Variants in C8orf74 observed in about 807,000 individuals in gnomAD.
C8orf74 encodes the protein chromosome 8 open reading frame 74.
Under a neutral mutation model 22.2 loss-of-function variants are expected in C8orf74, and 29 were observed. That is an observed-to-expected ratio of 1.31 (90% CI 0.97 to 1.78). The LOEUF is 1.78. C8orf74 is among the 40% of genes most tolerant of loss of function. C8orf74 has a pLI of 0.00. For synonymous variants in C8orf74, 255 were observed against 163.1 expected (o/e 1.56, Z -4.30); for missense variants, 515 against 369.9 (o/e 1.39, Z -3.22).
intron 2 of C8orf74, among the ~76,000 whole-genome samples, chr8:10,682,587 C>A (rs1799174733): frequency 1.3e-5 from 2 of 152,150 alleles, no homozygotes; most frequent in Non-Finnish European, 2.9e-5. Flanking sequence ...TGACAGCAGT[C>A]CTGTTGGATG....
At chr8:10,691,812 C>A (rs753042881) in intron 2 of C8orf74, 1 of 152,354 alleles carries the variant, frequency 6.6e-6, no homozygotes, top group African/African-American at 2.4e-5. Context: ...ATGAAGTCAA[C>A]TCTTTCACAT....
chr8:10,676,632 GTCCCA>G (rs151039012), intron 2 of C8orf74, among the ~76,000 whole-genome samples: 27 of 152,180 alleles, frequency 1.8e-4, no homozygotes, highest in African/African-American at 6.3e-4. Flanking sequence ...CCACCCAGTG[GTCCCA>G]GCCTAAAGGC....
intron 2 of C8orf74, among the ~76,000 whole-genome samples, chr8:10,696,036 TG>T (rs1382918379): frequency 1.3e-5 from 2 of 152,182 alleles, no homozygotes; most frequent in Non-Finnish European, 2.9e-5. Context: ...TCTCCACGCC[TG>T]GGCCATGCTC....
rs769437570 is a variant in C8orf74, at chr8:10,700,270, C to T, written c.684C>T (p.Thr228=). ...GCCTCATCTGCCAGGCAGTCCACAC[C>T]CAGATGGAGCTCCTGCAGGAGCTGC... ...LESLICQAVH[T]QMELLQELLQ... is the part of the protein sequence containing the mutation. Residue 228 remains threonine (T), a synonymous_variant, in exon 4 of 4, where the codon ACC becomes ACT. Transcript: ENST00000304519. 3 of 1,612,410 alleles carry T rather than the reference C, an allele frequency of 1.9e-6. No individual in the cohort carries two copies. The highest frequency in any genetic ancestry group is 1.1e-5 in the South Asian group (1 of 90,994).
At chr8:10,681,558 C>G (rs1274518036) in intron 2 of C8orf74, among the ~76,000 whole-genome samples, 2 of 152,142 alleles carry the variant, frequency 1.3e-5, no homozygotes, top group Non-Finnish European at 2.9e-5. Flanking sequence ...TGGGGACAGC[C>G]TCCCCTGCTT....
At chr8:10,689,045 T>G (rs1351590119) in intron 2 of C8orf74, 2 of 152,386 alleles carry the variant, frequency 1.3e-5, no homozygotes, top group African/African-American at 4.8e-5. Context: ...TCCGTTCCCT[T>G]CCCTGGGCAG....
At chr8:10,696,983 C>T (rs965687901) in intron 2 of C8orf74, among the ~76,000 whole-genome samples, 24 of 140,266 alleles carry the variant, frequency 1.7e-4, no homozygotes, top group African/African-American at 6.4e-4. Context: ...AGACAAAATA[C>T]TGGTAATGAT....
intron 2 of C8orf74, among the ~76,000 whole-genome samples, chr8:10,684,008 G>C (rs941936176): frequency 2.0e-5 from 3 of 152,170 alleles, no homozygotes; most frequent in African/African-American, 7.2e-5. Context: ...GCCCTCCCAC[G>C]ATGCTAGGCA....
intron 2 of C8orf74, chr8:10,692,900 C>T (rs1166577784): frequency 6.6e-6 from 1 of 152,244 alleles, no homozygotes; most frequent in African/African-American, 2.4e-5. Flanking sequence ...CTCGCTCCCT[C>T]GCAGCTTGAG....
chr8:10,672,813 A>G, intron 1 of C8orf74, 100 bp downstream of exon 1: 1 of 1,051,408 alleles, frequency 9.5e-7, no homozygotes, highest in Non-Finnish European at 1.4e-6. Flanking sequence ...ACCCCGGGGC[A>G]GCCACCCCGG....
intron 2 of C8orf74, chr8:10,691,265 C>T (rs1799374944): frequency 4.1e-6 from 1 of 243,202 alleles, no homozygotes; most frequent in Non-Finnish European, 8.5e-6. Context: ...CACAGTGGGG[C>T]ATCGGCCAGG....
At chr8:10,690,560 C>T (rs1799355831) in intron 2 of C8orf74, among the ~76,000 whole-genome samples, 1 of 152,158 alleles carries the variant, frequency 6.6e-6, no homozygotes, top group African/African-American at 2.4e-5. Flanking sequence ...TGACTTGGTT[C>T]CTGCCCCTGG....
chr8:10,699,533 C>T (rs1035891229), intron 3 of C8orf74, among the ~76,000 whole-genome samples: 4 of 152,204 alleles, frequency 2.6e-5, no homozygotes, highest in African/African-American at 7.2e-5. Context: ...TGTGGTTGCT[C>T]GGGCAAGGAA....
rs147157443 is a variant in C8orf74 at position 10,685,656 on chromosome 8, T to G, written c.241+10818T>G. Among the ~76,000 whole-genome samples, 489 of 151,484 alleles carry G rather than the reference T, an allele frequency of 3.2e-3. 3 individuals are homozygous for G. The highest frequency in any genetic ancestry group is 0.011 in the African/African-American group (456 of 41,230). ...GGCCAGGAGGAGGGGGAGTGGGGAG[T>G]TAATGTTTAATGGATATGGAGTTCT... On this transcript the variant is annotated intron_variant, in intron 2 of 3. Transcript: ENST00000304519.
chr8:10,674,878 G>C, intron 2 of C8orf74, 40 bp downstream of exon 2: 2 of 1,519,154 alleles, frequency 1.3e-6, no homozygotes, highest in Non-Finnish European at 1.8e-6. Context: ...GAGGCTGGCG[G>C]GATGGGGTGG....
Position 10,674,838 on chromosome 8 carries a change from G to T in C8orf74, c.241G>T (p.Gly81Cys). The change falls in exon 2 of 4, where the codon GGC becomes TGC. Residue 81 changes from glycine to cysteine, a missense_variant and splice_region_variant. Transcript: ENST00000304519. ...FTEELLRETK[G>C]CSITEAVTIL... ...AGAAGAGCTGCTAAGGGAAACCAAAGGTATGGTGTGTCCAGGGCAGGAGTC... is the reference window on the plus strand; with the variant it reads ...AGAAGAGCTGCTAAGGGAAACCAAATGTATGGTGTGTCCAGGGCAGGAGTC... The T allele has an allele frequency of 3.1e-6, 5 of 1,595,226 alleles. No individual in the cohort carries two copies. The highest frequency in any genetic ancestry group is 2.3e-5 in the South Asian group (2 of 87,738).
chr8:10,677,682 G>A (rs111700964), intron 2 of C8orf74, among the ~76,000 whole-genome samples: 4 of 152,082 alleles, frequency 2.6e-5, no homozygotes, highest in African/African-American at 9.6e-5. Context: ...GTAGCCTTGT[G>A]TTTGCCAGTA....
chr8:10,684,699 G>A (rs1350801414), intron 2 of C8orf74, among the ~76,000 whole-genome samples: 2 of 152,186 alleles, frequency 1.3e-5, no homozygotes, highest in African/African-American at 4.8e-5. Context: ...CAATTTCACA[G>A]ATAGAAGATT....
At chr8:10,684,680 C>T (rs1031253639) in intron 2 of C8orf74, among the ~76,000 whole-genome samples, 9 of 152,218 alleles carry the variant, frequency 5.9e-5, no homozygotes, top group Non-Finnish European at 1.0e-4. Context: ...ATTTATTTTT[C>T]TCTCTTCACA....
Sources: allele counts gnomAD v4.1 joint callset (sites outside exome capture counted in the v4.1 genomes callset), GRCh38; gene constraint gnomAD v4.1.1; transcripts MANE v1.5; gene names NCBI Gene and HGNC (gene_info 2026-07-23, HGNC 2026-07-21).